Variants in PRKAG2 observed in about 807,000 individuals in gnomAD.
PRKAG2 encodes protein kinase AMP-activated non-catalytic subunit gamma 2.
PRKAG2 carries 26 observed loss-of-function variants against 69.6 expected under a neutral mutation model. The ratio of observed to expected loss-of-function variants is 0.37; its 90% confidence interval spans 0.27 to 0.52. The LOEUF (loss-of-function observed/expected upper bound fraction) is 0.52, where lower values mean the gene tolerates loss of function less well. PRKAG2 is among the 20% of genes least tolerant of loss of function. The probability of loss-of-function intolerance (pLI) is 0.90; values close to 1 mark genes in which losing one functional copy is unlikely to be tolerated. For missense variants in PRKAG2, 557 were observed against 740.0 expected (o/e 0.75, Z 2.87); for synonymous variants, 293 against 285.0 (o/e 1.03, Z -0.28).
At chr7:151,762,550 A>C (rs933828818) in intron 3 of PRKAG2, among the ~76,000 whole-genome samples, 1 of 152,026 alleles carries the variant, frequency 6.6e-6, no homozygotes, top group African/African-American at 2.4e-5. Flanking sequence ...TATTCATGGG[A>C]GCAAAATACA....
chr7:151,650,435 T>G (rs1828300541), intron 4 of PRKAG2, among the ~76,000 whole-genome samples: 1 of 152,198 alleles, frequency 6.6e-6, no homozygotes, highest in South Asian at 2.1e-4. Flanking sequence ...GGGAAGGGGT[T>G]ATGGTCCTAA....
At chr7:151,825,328 C>G (rs868694956) in intron 1 of PRKAG2, among the ~76,000 whole-genome samples, 6 of 152,170 alleles carry the variant, frequency 3.9e-5, no homozygotes, top group Non-Finnish European at 2.9e-5. Flanking sequence ...GGACACGATT[C>G]TTTGTTTTTC....
intron 3 of PRKAG2, among the ~76,000 whole-genome samples, chr7:151,768,034 A>G (rs910722120): frequency 3.9e-5 from 6 of 152,246 alleles, no homozygotes; most frequent in Non-Finnish European, 8.8e-5. Flanking sequence ...CTGCTGATGC[A>G]TGACAAGCTG....
chr7:151,728,272 TTTC>T (rs1427745593), intron 3 of PRKAG2, among the ~76,000 whole-genome samples: 37 of 152,278 alleles, frequency 2.4e-4, no homozygotes, highest in African/African-American at 6.7e-4. Flanking sequence ...TGCCTATTTT[TTTC>T]TTCTCAATCG....
chr7:151,806,948 A>T (rs1387752911), intron 1 of PRKAG2: 6 of 452,556 alleles, frequency 1.3e-5, no homozygotes, highest in Non-Finnish European at 2.7e-5. Context: ...CCTGGGGAAA[A>T]AAAAAAGCCA....
In PRKAG2 at chr7:151,632,054, GC is replaced by G; in HGVS notation, c.754+14del. On this transcript the variant is annotated intron_variant, in intron 5 of 15. Transcript: ENST00000287878. This position sits in a 1 kb window ranked among gnomAD's most constrained non-coding sequence, Gnocchi z 4.2. The stretch of plus-strand genomic sequence containing the variant: ...CGTGGGAGCGCCGGGCCGGCAGCGG[GC>G]GGGGCGCACTCACCTTCGTCCTCGA... 2 of 1,372,052 alleles carry G rather than the reference GC, an allele frequency of 1.5e-6. No individual in the cohort carries two copies. The highest frequency in any genetic ancestry group is 1.6e-5 in the South Asian group (1 of 63,772). The allele number at this position is 1,372,052 out of a possible 1,614,324, so 85.0% of individuals were successfully genotyped here. A position where few individuals can be genotyped will look rare whatever the true frequency, so the allele number is the denominator to read the frequency against.
chr7:151,664,399 T>G (rs896573476), intron 4 of PRKAG2, among the ~76,000 whole-genome samples: 2 of 152,140 alleles, frequency 1.3e-5, no homozygotes, highest in Non-Finnish European at 2.9e-5. Context: ...CACAGGGACA[T>G]GCCGAGTCAC....
intron 1 of PRKAG2, among the ~76,000 whole-genome samples, chr7:151,801,835 C>T (rs918282546): frequency 6.6e-6 from 1 of 152,130 alleles, no homozygotes; most frequent in Non-Finnish European, 1.5e-5. Flanking sequence ...GGGTTGTTTG[C>T]GTCTTTGTTT....
At chr7:151,617,613 TGTTGA>T (rs1175539785) in intron 5 of PRKAG2, among the ~76,000 whole-genome samples, 1 of 152,234 alleles carries the variant, frequency 6.6e-6, no homozygotes, top group Non-Finnish European at 1.5e-5. Flanking sequence ...TTAATAGCAT[TGTTGA>T]GTTTTTTTAA....
rs919190808 is a variant in PRKAG2 at position 151,789,203 on chromosome 7, G to A, written c.115-2662C>T. On this transcript the variant is annotated intron_variant, in intron 1 of 15. Coordinates refer to ENST00000287878, the MANE Select transcript of PRKAG2 (RefSeq NM_016203.4). ...TGTTTTTGGAAAAAAATGCCACTGG[G>A]ATTTTGATAGGGATTGCACTGAATC... is the stretch of plus-strand genomic sequence containing the variant. Among the ~76,000 whole-genome samples, 15 of 152,228 alleles carry A rather than the reference G, an allele frequency of 9.9e-5. No individual in the cohort carries two copies. The East Asian group carries it at 2.3e-3, about 23-fold the overall frequency.
intron 10 of PRKAG2, 62 bp downstream of exon 10, chr7:151,570,109 T>G: frequency 6.5e-7 from 1 of 1,542,086 alleles, no homozygotes. Flanking sequence ...TTTCTTTCTA[T>G]CATGGTGATA....
At chr7:151,616,502 G>C (rs1240933398) in intron 5 of PRKAG2, among the ~76,000 whole-genome samples, 1 of 152,252 alleles carries the variant, frequency 6.6e-6, no homozygotes, top group African/African-American at 2.4e-5. Flanking sequence ...CTGTCTTCCA[G>C]AACTACTGCA....
intron 9 of PRKAG2, chr7:151,572,343 A>T (rs1807769554): frequency 4.9e-6 from 1 of 203,520 alleles, no homozygotes; most frequent in Non-Finnish European, 9.8e-6. Context: ...CTGAGGGCTT[A>T]GACTTAGTAG....
rs28868611 is a variant in PRKAG2 at position 151,788,549 on chromosome 7, A to G, written c.115-2008T>C. Among the ~76,000 whole-genome samples the G allele has an allele frequency of 0.018, 2,780 of 152,184 alleles. 68 individuals are homozygous for G. The highest frequency in any genetic ancestry group is 0.057 in the African/African-American group (2,350 of 41,492). On this transcript the variant is annotated intron_variant, in intron 1 of 15. Transcript: ENST00000287878. This position sits in a 1 kb window ranked among gnomAD's most constrained non-coding sequence, Gnocchi z 4.6. ...GGTTGATTGTGGTTGAATTGTTTAT[A>G]TATTCTGGTTATTAACCCCTTATCA...
chr7:151,752,323 T>C (rs1032756773), intron 3 of PRKAG2, among the ~76,000 whole-genome samples: 2 of 152,218 alleles, frequency 1.3e-5, no homozygotes, highest in African/African-American at 4.8e-5. Flanking sequence ...GTGCTGCATG[T>C]TCTCACTTAT....
chr7:151,637,890 T>A (rs912973312), intron 4 of PRKAG2, among the ~76,000 whole-genome samples: 1 of 152,140 alleles, frequency 6.6e-6, no homozygotes, highest in African/African-American at 2.4e-5. Flanking sequence ...CTCAACAGAC[T>A]TATGCCAGAC....
At chr7:151,841,664 G>A (rs534059299) in intron 1 of PRKAG2, among the ~76,000 whole-genome samples, 2,936 of 69,130 alleles carry the variant, frequency 0.042, 136 homozygotes, top group African/African-American at 0.13. Context: ...TGATGGTAGT[G>A]ATGGTAGGTA....
At chr7:151,566,587 A>T in intron 11 of PRKAG2, 1 of 452,184 alleles carries the variant, frequency 2.2e-6, no homozygotes, top group South Asian at 1.6e-5. Context: ...TATAAAGGGT[A>T]TAGTTGATTC....
chr7:151,576,899 A>T (rs1373796959), intron 6 of PRKAG2, among the ~76,000 whole-genome samples: 4 of 152,230 alleles, frequency 2.6e-5, no homozygotes, highest in Non-Finnish European at 5.9e-5. Context: ...ATTTATTAAC[A>T]TTAGCAAAAA....
Sources: allele counts gnomAD v4.1 joint callset (sites outside exome capture counted in the v4.1 genomes callset), GRCh38; gene constraint gnomAD v4.1.1; non-coding constraint Gnocchi (gnomAD v3.1); transcripts MANE v1.5; gene names NCBI Gene and HGNC (gene_info 2026-07-23, HGNC 2026-07-21).